CDC42BPA: variants seen among roughly 807,000 people sequenced by gnomAD.
The protein encoded by CDC42BPA is serine/threonine-protein kinase MRCK alpha.
A neutral mutation model predicts 223.5 loss-of-function variants in CDC42BPA; 80 were observed. The observed-to-expected ratio is 0.36, with a 90% CI of 0.30 to 0.43. The LOEUF (loss-of-function observed/expected upper bound fraction) is 0.43, where lower values mean the gene tolerates loss of function less well. Among genes scored for constraint, CDC42BPA ranks in the 20% least tolerant of loss-of-function variants. The probability of loss-of-function intolerance (pLI) is 1.00; values close to 1 mark genes in which losing one functional copy is unlikely to be tolerated. For missense variants in CDC42BPA, 1,743 were observed against 2,099.9 expected (o/e 0.83, Z 3.32); for synonymous variants, 694 against 718.6 (o/e 0.97, Z 0.55).
At chr1:227,280,374 TCACAA>T (rs1337208700) in intron 1 of CDC42BPA, among the ~76,000 whole-genome samples, 3 of 151,582 alleles carry the variant, frequency 2.0e-5, no homozygotes, top group Non-Finnish European at 4.4e-5. Flanking sequence ...TAAGAGATCT[TCACAA>T]CACAAGACAG....
intron 2 of CDC42BPA, among the ~76,000 whole-genome samples, chr1:227,232,432 G>A (rs746708932): frequency 3.3e-5 from 5 of 152,076 alleles, no homozygotes; most frequent in Non-Finnish European, 5.9e-5. Flanking sequence ...AGCTTTGTCC[G>A]TCCAGCTTTG....
At chr1:227,162,193 T>C (rs535263349) in intron 5 of CDC42BPA, among the ~76,000 whole-genome samples, 7 of 152,114 alleles carry the variant, frequency 4.6e-5, no homozygotes, top group Middle Eastern at 3.5e-3. Flanking sequence ...ATTTTATAGA[T>C]AGTAATTATA....
In CDC42BPA at chr1:227,142,774, C is replaced by T. The variant is rs376585355; in HGVS notation, c.1223+171G>A. Reference sequence around the variant, plus strand: ...AGCTGGGATTACAGGCACCTGCCACCACGCCCACCTAAGTTTTGTATTTTT... The same window carrying T: ...AGCTGGGATTACAGGCACCTGCCACTACGCCCACCTAAGTTTTGTATTTTT... On this transcript the variant is annotated intron_variant, in intron 9 of 36. Transcript: ENST00000366766. 2.6e-5 allele frequency among the ~76,000 whole-genome samples: 4 copies of T among 152,222 alleles called. No individual in the cohort carries two copies. The South Asian group carries it at 8.3e-4, about 32-fold the overall frequency.
chr1:227,251,197 T>C (rs1219672381), intron 2 of CDC42BPA, among the ~76,000 whole-genome samples: 1 of 151,922 alleles, frequency 6.6e-6, no homozygotes, highest in Non-Finnish European at 1.5e-5. Flanking sequence ...TGTTGGGGTT[T>C]CAAATATAAA....
chr1:227,265,476 C>A (rs967738429), intron 1 of CDC42BPA, among the ~76,000 whole-genome samples: 11 of 151,930 alleles, frequency 7.2e-5, no homozygotes, highest in Non-Finnish European at 1.2e-4. Flanking sequence ...GGGAGGGAGG[C>A]CAAGGCGGGC....
At chr1:227,256,991 C>CACACA (rs1683189885) in intron 1 of CDC42BPA, among the ~76,000 whole-genome samples, 1 of 94,758 alleles carries the variant, frequency 1.1e-5, no homozygotes, top group Admixed American at 1.1e-4. Context: ...ACACACACAC[C>CACACA]AGTATGTTAA....
rs926090831 is a variant in CDC42BPA, at chr1:227,092,860, G to A, written c.2250-869C>T. Among the ~76,000 whole-genome samples, 24 of 151,996 alleles carry A rather than the reference G, an allele frequency of 1.6e-4. 1 individual carries two copies. Among genetic ancestry groups the A allele is most frequent in the Admixed American group, 3.9e-4 (6 of 15,252 alleles). On this transcript the variant is annotated intron_variant, in intron 15 of 36. Coordinates refer to ENST00000366766, the MANE Select transcript of CDC42BPA (RefSeq NM_001394014.1). ...TTTATTAGTGTTCTTCAGAACCACT[G>A]AGAGGCAGCTAGCTGCAGATATTAT...
chr1:227,120,966 G>A (rs1010613162), intron 11 of CDC42BPA, among the ~76,000 whole-genome samples: 16 of 152,144 alleles, frequency 1.1e-4, no homozygotes, highest in African/African-American at 3.4e-4. Context: ...TAGATCCCTC[G>A]CATGAGCAGT....
intron 11 of CDC42BPA, among the ~76,000 whole-genome samples, chr1:227,120,891 G>A (rs1039024007): frequency 1.3e-5 from 2 of 152,060 alleles, no homozygotes; most frequent in South Asian, 2.1e-4. Flanking sequence ...AGATGGTTTC[G>A]GGATGAAACT....
chr1:227,039,866 T>C (rs1404625486), intron 24 of CDC42BPA, among the ~76,000 whole-genome samples: 1 of 46,074 alleles, frequency 2.2e-5, no homozygotes, highest in Non-Finnish European at 4.5e-5. Context: ...ATGAATTTTC[T>C]TCTGTCAGGT....
intron 5 of CDC42BPA, among the ~76,000 whole-genome samples, chr1:227,185,438 C>T (rs1024086115): frequency 7.2e-5 from 11 of 152,126 alleles, no homozygotes; most frequent in African/African-American, 2.7e-4. Flanking sequence ...TACATATCCC[C>T]ACGTGTTTGG....
Position 227,317,303 on chromosome 1 carries a change from C to G in CDC42BPA, c.-121G>C. 1 of 1,025,112 alleles carries G rather than the reference C, an allele frequency of 9.8e-7. No homozygotes were observed. Among genetic ancestry groups the G allele is most frequent in the East Asian group, 2.5e-5 (1 of 39,530 alleles). The allele number at this position is 1,025,112 out of a possible 1,614,324, so 63.5% of individuals were successfully genotyped here. A position where few individuals can be genotyped will look rare whatever the true frequency, so the allele number is the denominator to read the frequency against. On this transcript the variant is annotated 5_prime_UTR_variant, in exon 1 of 37. An upstream start codon of the reference 5' UTR is lost. Coordinates refer to ENST00000366766, the MANE Select transcript of CDC42BPA (RefSeq NM_001394014.1). Reference sequence around the variant, plus strand: ...AACCACTTGTTATTCAAACAACTGTCATGCAATGCTGGTGCTGAATTAAAC... The same window carrying G: ...AACCACTTGTTATTCAAACAACTGTGATGCAATGCTGGTGCTGAATTAAAC...
chr1:227,316,905 T>C (rs1694500514), intron 1 of CDC42BPA, 100 bp downstream of exon 1: 2 of 841,948 alleles, frequency 2.4e-6, no homozygotes, highest in African/African-American at 3.5e-5. Context: ...TATTGTATTT[T>C]TTCTTTGAAC....
At chr1:227,313,756 T>TA (rs35492715) in intron 1 of CDC42BPA, among the ~76,000 whole-genome samples, 8 of 151,024 alleles carry the variant, frequency 5.3e-5, no homozygotes, top group Non-Finnish European at 8.9e-5. Flanking sequence ...ACTCGTGTCA[T>TA]AAAAAAAAAG....
chr1:227,073,567 T>C (rs1459805941), intron 19 of CDC42BPA, among the ~76,000 whole-genome samples: 1 of 152,072 alleles, frequency 6.6e-6, no homozygotes, highest in Non-Finnish European at 1.5e-5. Context: ...ATGAGAGAAT[T>C]TTAGGTTTAA....
rs1018828967 is a variant in CDC42BPA, at chr1:227,010,899, T to C, written c.4857+5181A>G. On this transcript the variant is annotated intron_variant, in intron 34 of 36. Transcript: ENST00000366766. ...ATACCCTCAGAGTCATAAAGCTTGGTGTACCAGGGACAGAGCGCAGAGACG... is the reference window on the plus strand; with the variant it reads ...ATACCCTCAGAGTCATAAAGCTTGGCGTACCAGGGACAGAGCGCAGAGACG... 3 of 1,363,896 alleles carry C rather than the reference T, an allele frequency of 2.2e-6. No individual in the cohort carries two copies. The African/African-American group carries it at 4.4e-5, about 20-fold the overall frequency. 84.5% of individuals were successfully genotyped at this position (1,363,896 alleles called of 1,614,324 possible). A position where few individuals can be genotyped will look rare whatever the true frequency, so the allele number is the denominator to read the frequency against.
chr1:227,227,063 G>A (rs2147930260), intron 2 of CDC42BPA, among the ~76,000 whole-genome samples: 1 of 152,136 alleles, frequency 6.6e-6, no homozygotes, highest in East Asian at 1.9e-4. Context: ...TTTGGTAGAA[G>A]ACACAATTGC....
At chr1:227,077,533 T>C (rs530891148) in intron 17 of CDC42BPA, among the ~76,000 whole-genome samples, 2 of 152,284 alleles carry the variant, frequency 1.3e-5, no homozygotes, top group South Asian at 2.1e-4. Flanking sequence ...TTTTATAATA[T>C]AGCCCTTACC....
In CDC42BPA at chr1:227,073,729, T is replaced by C. The variant is rs184793837; in HGVS notation, c.2735+135A>G. 211 of 652,042 alleles carry C rather than the reference T, an allele frequency of 3.2e-4. 1 individual carries two copies. The Admixed American group carries it at 7.2e-3, about 22-fold the overall frequency. The allele number at this position is 652,042 out of a possible 1,614,324, so 40.4% of individuals were successfully genotyped here. On this transcript the variant is annotated intron_variant, in intron 19 of 36. Coordinates refer to ENST00000366766, the MANE Select transcript of CDC42BPA (RefSeq NM_001394014.1). ...TACAAGGCTTAAAAGCATCTAGTTA[T>C]TTTCAAATCTTTGTAACATATTTGG... is the stretch of plus-strand genomic sequence containing the variant.
Sources: allele counts gnomAD v4.1 joint callset (sites outside exome capture counted in the v4.1 genomes callset), GRCh38; gene constraint gnomAD v4.1.1; transcripts MANE v1.5; gene names NCBI Gene and HGNC (gene_info 2026-07-23, HGNC 2026-07-21).